The following UGT1A8 variants were observed in gnomAD, a reference collection of about 807,000 sequenced individuals.
UGT1A8 encodes the protein UDP-glucuronosyltransferase 1A8.
UGT1A8 carries 39 observed loss-of-function variants against 45.3 expected under a neutral mutation model. The observed-to-expected ratio is 0.86, with a 90% CI of 0.67 to 1.12. The LOEUF is 1.12. Ranked by LOEUF, UGT1A8 falls within the 50% of genes most tolerant of loss-of-function variation. The probability of loss-of-function intolerance (pLI) is 0.00; values close to 1 mark genes in which losing one functional copy is unlikely to be tolerated. For missense variants in UGT1A8, 719 were observed against 664.9 expected (o/e 1.08, Z -0.90); for synonymous variants, 275 against 249.2 (o/e 1.10, Z -0.97).
At chr2:233,681,113 G>A (rs1232765973) in intron 1 of UGT1A8, among the ~76,000 whole-genome samples, 1 of 151,666 alleles carries the variant, frequency 6.6e-6, no homozygotes, top group Non-Finnish European at 1.5e-5. Context: ...AGTGAGCTGT[G>A]TATTGCAGAG....
At chr2:233,652,300 A>G (rs1365349475) in intron 1 of UGT1A8, among the ~76,000 whole-genome samples, 1 of 152,264 alleles carries the variant, frequency 6.6e-6, no homozygotes, top group African/African-American at 2.4e-5. Flanking sequence ...AATGTATAGC[A>G]AGGAGAGACT....
chr2:233,732,066 G>A (rs1295393018), intron 1 of UGT1A8, among the ~76,000 whole-genome samples: 2 of 152,128 alleles, frequency 1.3e-5, no homozygotes, highest in African/African-American at 4.8e-5. Flanking sequence ...TGTGTCTGTT[G>A]GCTGCATAAA....
chr2:233,709,328 A>G (rs1356489247), intron 1 of UGT1A8, among the ~76,000 whole-genome samples: 1 of 152,084 alleles, frequency 6.6e-6, no homozygotes, highest in Non-Finnish European at 1.5e-5. Context: ...TTTTGTTACT[A>G]GTTTGTCATA....
chr2:233,644,143 C>T (rs185850134), intron 1 of UGT1A8, among the ~76,000 whole-genome samples: 2 of 152,316 alleles, frequency 1.3e-5, no homozygotes, highest in East Asian at 3.9e-4. Context: ...GAGTTGCAAT[C>T]TTTATGGACT....
intron 1 of UGT1A8, chr2:233,753,481 C>G (rs1199479898): frequency 6.6e-6 from 1 of 152,192 alleles, no homozygotes; most frequent in African/African-American, 2.4e-5. Flanking sequence ...TACCAGCATG[C>G]TGCTCTTAAT....
At chr2:233,731,565 G>A (rs1168065167) in intron 1 of UGT1A8, among the ~76,000 whole-genome samples, 1 of 152,192 alleles carries the variant, frequency 6.6e-6, no homozygotes, top group African/African-American at 2.4e-5. Context: ...ATAGTTTGCT[G>A]AGAATGATGG....
At chr2:233,701,237 T>C (rs968886679) in intron 1 of UGT1A8, among the ~76,000 whole-genome samples, 1 of 152,184 alleles carries the variant, frequency 6.6e-6, no homozygotes, top group Admixed American at 6.5e-5. Context: ...ATATACCCAG[T>C]AATGAGATGG....
intron 1 of UGT1A8, among the ~76,000 whole-genome samples, chr2:233,656,935 T>C (rs1029949656): frequency 2.0e-5 from 3 of 151,862 alleles, no homozygotes; most frequent in Non-Finnish European, 4.4e-5. Context: ...TTTTTTTTTT[T>C]CCTTTCCTGT....
At chr2:233,693,339 A>G (rs778434768) in intron 1 of UGT1A8, 11 of 1,614,190 alleles carry the variant, frequency 6.8e-6, no homozygotes, top group Middle Eastern at 1.6e-4. Flanking sequence ...CAGACAGAGT[A>G]CAGGAATAAC....
chr2:233,617,707 C>A lies in UGT1A8; in HGVS notation c.-1C>A, dbSNP rs746950645. On this transcript the variant is annotated 5_prime_UTR_variant, in exon 1 of 5. Transcript: ENST00000373450. ...CTGCTGGCTCGGGCTGCAGTTCTCT[C>A]ATGGCTCGCACAGGGTGGACCAGCC... 13 of 1,610,982 alleles carry A rather than the reference C, an allele frequency of 8.1e-6. No homozygotes were observed. In the Admixed American group the frequency reaches 1.2e-4, roughly 14 times the overall value.
At chr2:233,741,088 C>T (rs758751982) in intron 1 of UGT1A8, among the ~76,000 whole-genome samples, 13 of 151,840 alleles carry the variant, frequency 8.6e-5, no homozygotes, top group Non-Finnish European at 1.9e-4. Flanking sequence ...TTAAAACAAA[C>T]AAGCAAACAG....
At position 233,709,733 on chromosome 2, in the gene UGT1A8, T is replaced by C. The variant is rs190992275; in HGVS notation, c.856-57301T>C. Reference sequence around the variant, plus strand: ...AATTGAATGATATGTTTTCAATTGATACTACTAAAATAAACATTATTGGAG... The same window carrying C: ...AATTGAATGATATGTTTTCAATTGACACTACTAAAATAAACATTATTGGAG... On this transcript the variant is annotated intron_variant, in intron 1 of 4. Coordinates refer to ENST00000373450, the MANE Select transcript of UGT1A8 (RefSeq NM_019076.5). Among the ~76,000 whole-genome samples the C allele has an allele frequency of 3.6e-3, 552 of 152,338 alleles. 2 individuals are homozygous for C. Among genetic ancestry groups the C allele is most frequent in the Admixed American group, 8.6e-3 (131 of 15,306 alleles).
At chr2:233,735,564 G>A (rs550679567) in intron 1 of UGT1A8, among the ~76,000 whole-genome samples, 59 of 152,124 alleles carry the variant, frequency 3.9e-4, no homozygotes, top group African/African-American at 1.3e-3. Flanking sequence ...TGGTGTTATC[G>A]GGTTATTTTG....
chr2:233,709,152 T>G (rs78253521), intron 1 of UGT1A8, among the ~76,000 whole-genome samples: 3,273 of 152,190 alleles, frequency 0.022, 115 homozygotes, highest in African/African-American at 0.075. Context: ...TGCTGATTGG[T>G]TGAGGCCTAG....
intron 1 of UGT1A8, among the ~76,000 whole-genome samples, chr2:233,731,746 C>T (rs1439402729): frequency 6.6e-6 from 1 of 152,104 alleles, no homozygotes; most frequent in Non-Finnish European, 1.5e-5. Flanking sequence ...AATAAACATA[C>T]GTGTGCATGT....
intron 1 of UGT1A8, among the ~76,000 whole-genome samples, chr2:233,649,251 A>G (rs1310458931): frequency 6.6e-6 from 1 of 152,184 alleles, no homozygotes; most frequent in Non-Finnish European, 1.5e-5. Flanking sequence ...CATAATTTCC[A>G]CTGCATTTTT....
At chr2:233,764,548 G>A (rs1431186890) in intron 1 of UGT1A8, among the ~76,000 whole-genome samples, 1 of 152,168 alleles carries the variant, frequency 6.6e-6, no homozygotes, top group African/African-American at 2.4e-5. Context: ...TGGGCGTGTG[G>A]GAGGGTGTGC....
chr2:233,706,144 G>C (rs2075891218), intron 1 of UGT1A8, among the ~76,000 whole-genome samples: 1 of 152,146 alleles, frequency 6.6e-6, no homozygotes, highest in African/African-American at 2.4e-5. Flanking sequence ...ATTAAACAAA[G>C]CATGAGAACC....
intron 1 of UGT1A8, among the ~76,000 whole-genome samples, chr2:233,688,020 C>T (rs764299629): frequency 1.8e-4 from 27 of 152,342 alleles, no homozygotes; most frequent in Non-Finnish European, 3.7e-4. Flanking sequence ...AATCAACCAT[C>T]ACCAATATCT....
Sources: gnomAD v4.1 joint callset for allele counts (sites outside exome capture counted in the v4.1 genomes callset) on GRCh38, gnomAD v4.1.1 for gene constraint, MANE v1.5 for transcripts, NCBI Gene and HGNC (gene_info 2026-07-23, HGNC 2026-07-21) for gene names.